Variants in CYYR1 observed in about 807,000 individuals in gnomAD.
CYYR1 encodes cysteine and tyrosine rich 1, also known as cysteine and tyrosine-rich protein 1.
In CYYR1, 14 loss-of-function variants were observed where a neutral mutation model predicts 15.2. That is an observed-to-expected ratio of 0.92 (90% CI 0.61 to 1.44). The LOEUF is 1.44. Ranked by LOEUF, CYYR1 falls within the 40% of genes most tolerant of loss-of-function variation. CYYR1 has a pLI of 0.00. For synonymous variants in CYYR1, 80 were observed against 77.4 expected, an observed-to-expected ratio of 1.03 and a Z score of -0.18; for missense variants, 228 against 209.5, an observed-to-expected ratio of 1.09 and a Z score of -0.54.
intron 2 of CYYR1, among the ~76,000 whole-genome samples, chr21:26,534,040 C>A (rs1399571513): frequency 6.6e-6 from 1 of 152,118 alleles, no homozygotes; most frequent in Non-Finnish European, 1.5e-5. Context: ...ATTTCTGGTA[C>A]TATGTTAGCA....
At chr21:26,571,552 A>G (rs1162494715) in intron 1 of CYYR1, among the ~76,000 whole-genome samples, 1 of 152,246 alleles carries the variant, frequency 6.6e-6, no homozygotes, top group East Asian at 1.9e-4. Flanking sequence ...TTGTGGTTCA[A>G]TGGAGTGGTT....
intron 3 of CYYR1, chr21:26,477,514 A>G (rs2065120012): frequency 9.4e-6 from 2 of 212,738 alleles, no homozygotes; most frequent in Non-Finnish European, 1.6e-5. Context: ...TTTTAAAAAC[A>G]TATTTCCGTC....
chr21:26,497,822 T>C (rs2065428280), intron 2 of CYYR1, among the ~76,000 whole-genome samples: 1 of 152,176 alleles, frequency 6.6e-6, no homozygotes, highest in Admixed American at 6.5e-5. Context: ...ACCTACAGAA[T>C]GCACATTCTT....
At chr21:26,560,904 G>A (rs1157403465) in intron 2 of CYYR1, among the ~76,000 whole-genome samples, 1 of 152,246 alleles carries the variant, frequency 6.6e-6, no homozygotes, top group East Asian at 1.9e-4. Context: ...GTACATAGCT[G>A]TAAGATAAAT....
intron 2 of CYYR1, among the ~76,000 whole-genome samples, chr21:26,517,803 A>T (rs1022065565): frequency 2.6e-5 from 4 of 152,012 alleles, no homozygotes; most frequent in African/African-American, 9.7e-5. Context: ...CTATCCTCCC[A>T]CCTCGGCTTC....
intron 2 of CYYR1, among the ~76,000 whole-genome samples, chr21:26,508,066 A>T (rs563575020): frequency 6.6e-6 from 1 of 152,200 alleles, no homozygotes; most frequent in African/African-American, 2.4e-5. Flanking sequence ...AAATGAGACA[A>T]TGTATAAACA....
chr21:26,539,071 G>A (rs905068465), intron 2 of CYYR1, among the ~76,000 whole-genome samples: 1 of 152,084 alleles, frequency 6.6e-6, no homozygotes, highest in Admixed American at 6.6e-5. Flanking sequence ...TGGTCACAAA[G>A]TCACAGGTAC....
chr21:26,559,978 T>C (rs1479627644), intron 2 of CYYR1, among the ~76,000 whole-genome samples: 4 of 152,310 alleles, frequency 2.6e-5, no homozygotes, highest in South Asian at 4.1e-4. Flanking sequence ...CAACATAAAA[T>C]GTTCTTGTGG....
chr21:26,497,801 T>C (rs1027856481), intron 2 of CYYR1, among the ~76,000 whole-genome samples: 5 of 152,180 alleles, frequency 3.3e-5, no homozygotes, highest in African/African-American at 9.6e-5. Flanking sequence ...CCCTCTGTTA[T>C]GTTGCAAAAT....
intron 2 of CYYR1, among the ~76,000 whole-genome samples, chr21:26,493,136 G>A (rs1178925267): frequency 6.6e-6 from 1 of 152,194 alleles, no homozygotes; most frequent in Admixed American, 6.5e-5. Context: ...ACCATGAAAA[G>A]TTGACAGTTG....
At chr21:26,571,836 T>A (rs1981026035) in intron 1 of CYYR1, among the ~76,000 whole-genome samples, 1 of 152,204 alleles carries the variant, frequency 6.6e-6, no homozygotes, top group Non-Finnish European at 1.5e-5. Flanking sequence ...TTTCCTGCCA[T>A]AAAACATCTT....
chr21:26,525,313 A>G (rs901475539), intron 2 of CYYR1, among the ~76,000 whole-genome samples: 1 of 152,048 alleles, frequency 6.6e-6, no homozygotes, highest in African/African-American at 2.4e-5. Context: ...CTAATTTTCA[A>G]TGGCTCCATT....
intron 2 of CYYR1, among the ~76,000 whole-genome samples, chr21:26,553,438 T>A (rs1979535765): frequency 1.3e-5 from 2 of 152,142 alleles, no homozygotes; most frequent in Admixed American, 1.3e-4. Flanking sequence ...GGGATTCTGA[T>A]GGCACAGATG....
At chr21:26,513,417 G>A (rs2065678142) in intron 2 of CYYR1, among the ~76,000 whole-genome samples, 1 of 152,160 alleles carries the variant, frequency 6.6e-6, no homozygotes, top group Non-Finnish European at 1.5e-5. Context: ...TACACACACA[G>A]TCACTTCCTT....
At chr21:26,523,165 T>C (rs1054187305) in intron 2 of CYYR1, among the ~76,000 whole-genome samples, 1 of 152,248 alleles carries the variant, frequency 6.6e-6, no homozygotes, top group African/African-American at 2.4e-5. Flanking sequence ...AATATAGTTC[T>C]GGCCTCTTTT....
chr21:26,559,727 C>T (rs1980067804), intron 2 of CYYR1, among the ~76,000 whole-genome samples: 1 of 152,178 alleles, frequency 6.6e-6, no homozygotes, highest in Admixed American at 6.5e-5. Flanking sequence ...TCCACCTCCA[C>T]TAGTCTGTAA....
At chr21:26,509,774 C>T (rs1389233213) in intron 2 of CYYR1, among the ~76,000 whole-genome samples, 4 of 152,178 alleles carry the variant, frequency 2.6e-5, no homozygotes, top group South Asian at 2.1e-4. Context: ...TTATCCAACT[C>T]GTTCCAGAAG....
At chr21:26,564,473 A>G (rs1428593126) in intron 2 of CYYR1, among the ~76,000 whole-genome samples, 1 of 152,220 alleles carries the variant, frequency 6.6e-6, no homozygotes, top group Non-Finnish European at 1.5e-5. Flanking sequence ...CCTGGTCCTA[A>G]TAACCTAGAT....
At chr21:26,537,777 C>A (rs1978318787) in intron 2 of CYYR1, among the ~76,000 whole-genome samples, 1 of 152,078 alleles carries the variant, frequency 6.6e-6, no homozygotes, top group South Asian at 2.1e-4. Flanking sequence ...GACCCCTAAT[C>A]ACCCATTTGA....
Sources: gnomAD v4.1 joint callset for allele counts (sites outside exome capture counted in the v4.1 genomes callset) on GRCh38, gnomAD v4.1.1 for gene constraint, MANE v1.5 for transcripts, NCBI Gene and HGNC (gene_info 2026-07-23, HGNC 2026-07-21) for gene names.